RPLP2: variants seen among roughly 807,000 people sequenced by gnomAD.
RPLP2 encodes the protein ribosomal protein lateral stalk subunit P2.
Under a neutral mutation model 11.5 loss-of-function variants are expected in RPLP2, and 1 was observed. That is an observed-to-expected ratio of 0.09 (90% CI 0.03 to 0.41). RPLP2 has a LOEUF of 0.41. Ranked by LOEUF, RPLP2 falls within the 10% of genes least tolerant of loss-of-function variation. The probability of loss-of-function intolerance (pLI) is 0.98; values close to 1 mark genes in which losing one functional copy is unlikely to be tolerated. For missense variants in RPLP2, 177 were observed against 145.6 expected, an observed-to-expected ratio of 1.22 and a Z score of -1.11; for synonymous variants, 82 against 55.9, an observed-to-expected ratio of 1.47 and a Z score of -2.08.
intron 3 of RPLP2, 177 bp downstream of exon 3, chr11:811,822 C>A: frequency 2.4e-6 from 2 of 824,430 alleles, no homozygotes; most frequent in South Asian, 1.3e-5. Context: ...CTCTCAGGAG[C>A]AGGGCAGCAG....
At position 810,789 on chromosome 11, in the gene RPLP2, AG is replaced by A. The variant is rs1399489747; in HGVS notation, c.123+434del. The stretch of plus-strand genomic sequence containing the variant: ...TGGCAGAAGGAGACCCTGTCTCAAA[AG>A]GAAAAAAAAAAAAAAAAGCAGGGTG... On this transcript the variant is annotated intron_variant, in intron 2 of 4. Transcript: ENST00000321153. 2.6e-4 allele frequency among the ~76,000 whole-genome samples: 32 copies of A among 122,202 alleles called. No individual in the cohort carries two copies. The South Asian group carries it at 6.4e-3, about 25-fold the overall frequency. 80.2% of individuals were successfully genotyped at this position (122,202 alleles called of 152,430 possible).
At position 812,755 on chromosome 11, in the gene RPLP2, C is replaced by T. The variant is rs878997511; in HGVS notation, c.272-5C>T. The T allele has an allele frequency of 6.2e-7, 1 of 1,609,780 alleles. No homozygotes were observed. Among genetic ancestry groups the T allele is most frequent in the Non-Finnish European group, 8.5e-7 (1 of 1,176,150 alleles). ...TGCTCACCATGCCTCTCCTCTGTTC[C>T]ACAGCAGAGGAGAAGAAAGATGAGA... On this transcript the variant is annotated splice_region_variant and splice_polypyrimidine_tract_variant and intron_variant, in intron 4 of 4. Transcript: ENST00000321153.
chr11:811,988 G>C (rs1334419718), intron 3 of RPLP2: 1 of 485,442 alleles, frequency 2.1e-6, no homozygotes, highest in East Asian at 4.2e-5. Context: ...TTCTGTGAGG[G>C]GGTTGGGGGC....
chr11:810,946 G>A (rs866783814), intron 2 of RPLP2, among the ~76,000 whole-genome samples: 6 of 149,618 alleles, frequency 4.0e-5, no homozygotes, highest in African/African-American at 1.5e-4. Flanking sequence ...CATGGCGAGT[G>A]GATTATTGGA....
chr11:810,263 C>T lies in RPLP2; in HGVS notation c.29C>T (p.Ala10Val), dbSNP rs763750323. 1 of 1,600,186 alleles carries T rather than the reference C, an allele frequency of 6.2e-7. No homozygotes were observed. The highest frequency in any genetic ancestry group is 1.7e-5 in the Admixed American group (1 of 59,074). Reference protein sequence around the residue: MRYVASYLLAALGGNSSPSA... With the variant: MRYVASYLLVALGGNSSPSA... ...CGCTACGTCGCCTCCTACCTGCTGG[C>T]TGCCCTAGGGGGCAACTCCTCCCCC... Residue 10 changes from alanine (A) to valine (V), a missense_variant, in exon 2 of 5, where the codon GCT (alanine) becomes GTT (valine). Transcript: ENST00000321153.
In RPLP2 at chr11:811,963, TC is replaced by T. The variant is rs1355018468; in HGVS notation, c.172+320del. On this transcript the variant is annotated intron_variant, in intron 3 of 4. Coordinates refer to ENST00000321153, the MANE Select transcript of RPLP2 (RefSeq NM_001004.4). Reference sequence around the variant, plus strand: ...TGGAGAACTGAGTTCACGTCAGCAGTCCTTACCACATGCTTTCTGTGAGGGG... The same window carrying T: ...TGGAGAACTGAGTTCACGTCAGCAGTCTTACCACATGCTTTCTGTGAGGGG... 4 of 560,986 alleles carry T rather than the reference TC, an allele frequency of 7.1e-6. No individual in the cohort carries two copies. In the African/African-American group the frequency reaches 7.4e-5, roughly 10 times the overall value. The allele number at this position is 560,986 out of a possible 1,614,324, so 34.8% of individuals were successfully genotyped here.
intron 3 of RPLP2, 119 bp downstream of exon 3, chr11:811,764 G>C (rs1171560218): frequency 7.9e-7 from 1 of 1,265,438 alleles, no homozygotes; most frequent in Non-Finnish European, 1.2e-6. Context: ...CCTCACCCGA[G>C]GAGTGAGCAG....
chr11:811,538 A>G, intron 2 of RPLP2, 59 bp from the exon 3 acceptor site: 1 of 1,606,066 alleles, frequency 6.2e-7, no homozygotes, highest in Non-Finnish European at 8.5e-7. Flanking sequence ...TCTGGGAGGG[A>G]GAGGGCCGGG....
chr11:812,277 G>A (rs562935729), intron 3 of RPLP2: 254 of 542,310 alleles, frequency 4.7e-4, no homozygotes, highest in Non-Finnish European at 6.9e-4. Context: ...TGAGGGTGGA[G>A]GTGGGGAAAT....
At chr11:811,746 C>T (rs1208614671) in intron 3 of RPLP2, 101 bp downstream of exon 3, 2 of 1,449,512 alleles carry the variant, frequency 1.4e-6, no homozygotes, top group Non-Finnish European at 1.9e-6. Context: ...ACCAGAGCAC[C>T]CTAGAAGCCT....
In RPLP2 at chr11:810,747, C is replaced by T. The variant is rs193132099; in HGVS notation, c.123+390C>T. On this transcript the variant is annotated intron_variant, in intron 2 of 4. Transcript: ENST00000321153. ...GATGGAGGTTGCACGGATCGTGCCA[C>T]TGTACTCCAGTCTGGGTGGCAGAAG... 3.6e-3 allele frequency among the ~76,000 whole-genome samples: 544 copies of T among 149,384 alleles called. 10 individuals are homozygous for T. The highest frequency in any genetic ancestry group is 0.034 in the Admixed American group (505 of 14,954).
chr11:810,408 C>CA (rs1565078246), intron 2 of RPLP2, 51 bp downstream of exon 2: 1 of 1,556,706 alleles, frequency 6.4e-7, no homozygotes, highest in Admixed American at 1.8e-5. Context: ...GTGTCCCATA[C>CA]AGGCGATTCT....
intron 3 of RPLP2, chr11:811,942 G>A: frequency 1.6e-6 from 1 of 633,588 alleles, no homozygotes; most frequent in Non-Finnish European, 2.9e-6. Flanking sequence ...GGTGTCTGGA[G>A]AACTGAGTTC....
chr11:812,723 T>C (rs1435471449), intron 4 of RPLP2, 37 bp from the exon 5 acceptor site: 2 of 1,612,348 alleles, frequency 1.2e-6, no homozygotes, highest in South Asian at 1.1e-5. Flanking sequence ...GCCTGGCACT[T>C]GGGCAGTGCT....
chr11:810,291 C>A lies in RPLP2; in HGVS notation c.57C>A (p.Ser19Arg), dbSNP rs776315521. The part of the protein sequence containing the change: ...LAALGGNSSP[S>R]AKDIKKILDS... ...CCCTAGGGGGCAACTCCTCCCCCAGCGCCAAGGACATCAAGAAGATCTTGG... is the reference window on the plus strand; with the variant it reads ...CCCTAGGGGGCAACTCCTCCCCCAGAGCCAAGGACATCAAGAAGATCTTGG... The change falls in exon 2 of 5, where the codon AGC (serine) becomes AGA (arginine). Residue 19 changes from serine to arginine, a missense_variant. By Grantham distance (110) the Ser-to-Arg change is moderately radical. Transcript: ENST00000321153. 1 of 1,608,642 alleles carries A rather than the reference C, an allele frequency of 6.2e-7. No individual in the cohort carries two copies. Among genetic ancestry groups the A allele is most frequent in the Non-Finnish European group, 8.5e-7 (1 of 1,178,340 alleles).
chr11:812,736 C>T, intron 4 of RPLP2, 24 bp from the exon 5 acceptor site: 1 of 1,612,666 alleles, frequency 6.2e-7, no homozygotes, highest in South Asian at 1.1e-5. Context: ...GCAGTGCTCA[C>T]CATGCCTCTC....
chr11:811,419 A>G lies in RPLP2; in HGVS notation c.124-178A>G, dbSNP rs558600719. The G allele has an allele frequency of 3.7e-4, 244 of 654,972 alleles. 1 individual carries two copies. In the South Asian group the frequency reaches 3.8e-3, roughly 10 times the overall value. 40.6% of individuals were successfully genotyped at this position (654,972 alleles called of 1,614,324 possible). A position where few individuals can be genotyped will look rare whatever the true frequency, so the allele number is the denominator to read the frequency against. On this transcript the variant is annotated intron_variant, in intron 2 of 4. Coordinates refer to ENST00000321153, the MANE Select transcript of RPLP2 (RefSeq NM_001004.4). ...CCTAAGTCTAAGAAAGCTAGTGTCC[A>G]TTTATTTTTATATCACTTCCCAAGT...
rs762444786 is a variant in RPLP2 at position 810,297 on chromosome 11, G to A, written c.63G>A (p.Lys21=). ...GGGGCAACTCCTCCCCCAGCGCCAA[G>A]GACATCAAGAAGATCTTGGACAGCG... The part of the protein sequence containing the change: ...ALGGNSSPSA[K]DIKKILDSVG... The change falls in exon 2 of 5, where the codon AAG becomes AAA. Residue 21 remains lysine (K), a synonymous_variant. Transcript: ENST00000321153. 12 of 1,609,304 alleles carry A rather than the reference G, an allele frequency of 7.5e-6. No homozygotes were observed. In the Middle Eastern group the frequency reaches 5.2e-4, roughly 69 times the overall value.
At chr11:811,772 C>T (rs554940514) in intron 3 of RPLP2, 127 bp downstream of exon 3, 7 of 1,192,426 alleles carry the variant, frequency 5.9e-6, no homozygotes, top group Non-Finnish European at 7.5e-6. Context: ...GAGGAGTGAG[C>T]AGGGCTCCAG....
Sources: allele counts gnomAD v4.1 joint callset (sites outside exome capture counted in the v4.1 genomes callset), GRCh38; gene constraint gnomAD v4.1.1; transcripts MANE v1.5; gene names NCBI Gene and HGNC (gene_info 2026-07-23, HGNC 2026-07-21).